CCBE1: variants seen among roughly 807,000 people sequenced by gnomAD.
CCBE1 encodes the protein collagen and calcium-binding EGF domain-containing protein 1.
CCBE1 carries 37 observed loss-of-function variants against 50.0 expected under a neutral mutation model. That is an observed-to-expected ratio of 0.74 (90% CI 0.57 to 0.97). The LOEUF is 0.97. Ranked by LOEUF, CCBE1 falls within the 50% of genes least tolerant of loss-of-function variation. The pLI is 0.00. For missense variants in CCBE1, 538 were observed against 523.8 expected (o/e 1.03, Z -0.26); for synonymous variants, 234 against 203.7 (o/e 1.15, Z -1.27).
At chr18:59,525,274 T>C (rs1348562736) in intron 2 of CCBE1, among the ~76,000 whole-genome samples, 2 of 152,248 alleles carry the variant, frequency 1.3e-5, no homozygotes, top group Non-Finnish European at 1.5e-5. Flanking sequence ...CTATTCTGAC[T>C]GGCATGAAAT....
At chr18:59,453,045 C>T (rs1226094093) in intron 6 of CCBE1, among the ~76,000 whole-genome samples, 2 of 152,166 alleles carry the variant, frequency 1.3e-5, no homozygotes, top group Non-Finnish European at 2.9e-5. Flanking sequence ...TATTTTTATA[C>T]ATCACAAAAA....
intron 2 of CCBE1, among the ~76,000 whole-genome samples, chr18:59,593,914 G>A (rs1047155482): frequency 6.6e-6 from 1 of 152,230 alleles, no homozygotes. Flanking sequence ...ATATCCCAAA[G>A]AGGGGTGACC....
chr18:59,640,239 A>G, intron 2 of CCBE1, among the ~76,000 whole-genome samples: 1 of 152,192 alleles, frequency 6.6e-6, no homozygotes, highest in East Asian at 1.9e-4. Flanking sequence ...TCAAACTATT[A>G]GGTTACAGCA....
intron 2 of CCBE1, among the ~76,000 whole-genome samples, chr18:59,537,341 A>T (rs1025537777): frequency 1.3e-5 from 2 of 152,192 alleles, no homozygotes; most frequent in African/African-American, 2.4e-5. Context: ...CCCAGAACTC[A>T]TCTTGAATTG....
At chr18:59,551,026 A>AAAC (rs1915906155) in intron 2 of CCBE1, among the ~76,000 whole-genome samples, 1 of 117,722 alleles carries the variant, frequency 8.5e-6, no homozygotes, top group African/African-American at 3.5e-5. Flanking sequence ...AAAAAAAAAA[A>AAAC]AAAGAAAAGA....
chr18:59,467,787 G>A (rs1420355657), intron 4 of CCBE1, among the ~76,000 whole-genome samples: 3 of 152,172 alleles, frequency 2.0e-5, no homozygotes, highest in East Asian at 3.8e-4. Context: ...CTTGAGGATG[G>A]CAACAACTTC....
At chr18:59,538,700 T>C (rs1915347845) in intron 2 of CCBE1, among the ~76,000 whole-genome samples, 1 of 152,192 alleles carries the variant, frequency 6.6e-6, no homozygotes, top group Non-Finnish European at 1.5e-5. Flanking sequence ...TATAGGCAAC[T>C]TCTTAAGTTG....
intron 2 of CCBE1, among the ~76,000 whole-genome samples, chr18:59,591,245 CAAAAAAAAAAAAAAAAAAAAAAAAAAAAA>C (rs58325003): frequency 0.032 from 67 of 2,118 alleles, 15 homozygotes; most frequent in African/African-American, 0.041. Flanking sequence ...GACTCCGTCT[CAAAAAAAAAAAAAAAAAAAAAAAAAAAAA>C]AAAAAAAAAA....
At chr18:59,682,406 T>C (rs1191997768) in intron 2 of CCBE1, among the ~76,000 whole-genome samples, 1 of 152,204 alleles carries the variant, frequency 6.6e-6, no homozygotes, top group Non-Finnish European at 1.5e-5. Flanking sequence ...CCACGTGCTA[T>C]CTGGTTATAT....
chr18:59,557,872 C>G (rs2052676880), intron 2 of CCBE1, among the ~76,000 whole-genome samples: 1 of 152,186 alleles, frequency 6.6e-6, no homozygotes, highest in Non-Finnish European at 1.5e-5. Flanking sequence ...GAACCTGGAC[C>G]ACTCTTAGTC....
chr18:59,524,827 G>A (rs535364222), intron 2 of CCBE1, among the ~76,000 whole-genome samples: 23 of 152,226 alleles, frequency 1.5e-4, no homozygotes, highest in African/African-American at 5.5e-4. Flanking sequence ...GCTCCTACTT[G>A]TAAGTGAGAA....
At chr18:59,613,815 T>A (rs2144589119) in intron 2 of CCBE1, among the ~76,000 whole-genome samples, 1 of 151,148 alleles carries the variant, frequency 6.6e-6, no homozygotes, top group Non-Finnish European at 1.5e-5. Context: ...TCTAAACCTC[T>A]TAATTATCTT....
At chr18:59,608,678 A>T (rs1363997029) in intron 2 of CCBE1, among the ~76,000 whole-genome samples, 2 of 152,226 alleles carry the variant, frequency 1.3e-5, no homozygotes, top group Non-Finnish European at 2.9e-5. Context: ...GCTTTAATAG[A>T]AAGTGTTTAT....
Position 59,547,003 on chromosome 18 carries a change from T to C in CCBE1, c.213-66765A>G, listed in dbSNP as rs1026375771. Among the ~76,000 whole-genome samples the C allele has an allele frequency of 3.1e-5, 4 of 129,448 alleles. No homozygotes were observed. The South Asian group carries it at 1.0e-3, about 34-fold the overall frequency. 84.9% of individuals were successfully genotyped at this position (129,448 alleles called of 152,430 possible). A position where few individuals can be genotyped will look rare whatever the true frequency, so the allele number is the denominator to read the frequency against. On this transcript the variant is annotated intron_variant, in intron 2 of 10. Transcript: ENST00000439986. ...TTACATGGGGTTTAAAGCAGGACCA[T>C]CAGGGCTGTGGTTAGAGGAATGGGA...
At chr18:59,478,699 A>G (rs56359247) in intron 3 of CCBE1, among the ~76,000 whole-genome samples, 4,793 of 152,316 alleles carry the variant, frequency 0.031, 164 homozygotes, top group East Asian at 0.2. Context: ...TAGGTTGGGC[A>G]AGGTCTTTAG....
At chr18:59,439,905 T>G (rs1159187774) in intron 7 of CCBE1, 89 bp from the exon 8 acceptor site, 1 of 1,425,440 alleles carries the variant, frequency 7.0e-7, no homozygotes, top group Non-Finnish European at 9.7e-7. Flanking sequence ...CTGCAGCCAT[T>G]TCTCTTTGTA....
chr18:59,546,733 T>C (rs1026296696), intron 2 of CCBE1, among the ~76,000 whole-genome samples: 1 of 152,204 alleles, frequency 6.6e-6, no homozygotes, highest in Admixed American at 6.5e-5. Context: ...CTTTGCATTT[T>C]AAACATGTTA....
chr18:59,464,407 G>A (rs1411366757), intron 5 of CCBE1, among the ~76,000 whole-genome samples: 1 of 152,218 alleles, frequency 6.6e-6, no homozygotes, highest in East Asian at 1.9e-4. Context: ...CAGCACTCCA[G>A]CCTGGGCAAC....
intron 2 of CCBE1, among the ~76,000 whole-genome samples, chr18:59,638,778 T>G (rs751865872): frequency 6.6e-5 from 10 of 152,232 alleles, no homozygotes; most frequent in Non-Finnish European, 1.2e-4. Context: ...AAATACAACT[T>G]TAAAAGGATA....
Sources: allele counts gnomAD v4.1 joint callset (sites outside exome capture counted in the v4.1 genomes callset), GRCh38; gene constraint gnomAD v4.1.1; transcripts MANE v1.5; gene names NCBI Gene and HGNC (gene_info 2026-07-23, HGNC 2026-07-21).